Variants in MFSD11 observed in about 807,000 individuals in gnomAD.
MFSD11 encodes UNC93-like protein MFSD11.
A neutral mutation model predicts 53.5 loss-of-function variants in MFSD11; 36 were observed. The ratio of observed to expected loss-of-function variants is 0.67; its 90% CI spans 0.52 to 0.89. MFSD11 has a LOEUF of 0.89. Ranked by LOEUF, MFSD11 falls within the 40% of genes least tolerant of loss-of-function variation. The pLI is 0.00. For synonymous variants in MFSD11, 186 were observed against 184.9 expected (o/e 1.01, Z -0.05); for missense variants, 530 against 543.9 (o/e 0.97, Z 0.25).
the MFSD11 span, among the ~76,000 whole-genome samples, chr17:76,800,503 T>C: frequency 6.6e-6 from 1 of 152,296 alleles, no homozygotes; most frequent in East Asian, 1.9e-4. Context: ...TGTGGCCATT[T>C]GTCTGTGGGT....
intron 9 of MFSD11, 126 bp downstream of exon 9, chr17:76,767,577 G>A (rs960983258): frequency 1.1e-5 from 7 of 619,782 alleles, no homozygotes; most frequent in Non-Finnish European, 1.7e-5. Context: ...TCTTCTCATG[G>A]TGTCACTTGG....
chr17:76,764,784 A>G (rs1285182114), intron 8 of MFSD11, among the ~76,000 whole-genome samples: 1 of 152,202 alleles, frequency 6.6e-6, no homozygotes, highest in Non-Finnish European at 1.5e-5. Flanking sequence ...CTTTGGATAT[A>G]TGCCCAGAGG....
chr17:76,799,197 C>A, the MFSD11 span: 1 of 152,136 alleles, frequency 6.6e-6, no homozygotes, highest in Non-Finnish European at 1.5e-5. Context: ...CTCACTGTAA[C>A]CCCTGCCTCC....
Position 76,738,976 on chromosome 17 carries a change from C to G in MFSD11, c.135C>G (p.His45Gln), listed in dbSNP as rs747604946. 6.2e-7 allele frequency: 1 copy of G among 1,613,554 alleles called. No individual in the cohort carries two copies. Among genetic ancestry groups the G allele is most frequent in the East Asian group, 2.2e-5 (1 of 44,896 alleles). The part of the protein sequence containing the change: ...VIRSLNRTDF[H>Q]GSGYTSMAII... ...GGAGCTTAAATAGGACAGATTTTCA[C>G]GGCAGTGGATATACCAGGTATTGTA... The change falls in exon 2 of 13, where the codon CAC (histidine) becomes CAG (glutamine). Residue 45 changes from histidine to glutamine, a missense_variant. Transcript: ENST00000685175.
chr17:76,755,812 A>ATTTTTTTTTTTTTTTTTTTTTTT (rs552254902), intron 8 of MFSD11, among the ~76,000 whole-genome samples: 1 of 19,542 alleles, frequency 5.1e-5, no homozygotes, highest in African/African-American at 1.6e-4. Flanking sequence ...ATATATATAT[A>ATTTTTTTTTTTTTTTTTTTTTTT]TTTTTTTTTT....
the MFSD11 span, among the ~76,000 whole-genome samples, chr17:76,787,848 G>T: frequency 0.15 from 21,859 of 149,366 alleles, 5,724 homozygotes; most frequent in African/African-American, 0.5. Context: ...TGACCAGCAT[G>T]AACATTAAAA....
At chr17:76,758,250 T>TAAAA (rs1024980631) in intron 8 of MFSD11, among the ~76,000 whole-genome samples, 5 of 152,140 alleles carry the variant, frequency 3.3e-5, no homozygotes, top group African/African-American at 1.2e-4. Context: ...TTAAAACTTT[T>TAAAA]AGTAGATTAA....
At chr17:76,756,707 A>G (rs1275587013) in intron 8 of MFSD11, among the ~76,000 whole-genome samples, 1 of 151,994 alleles carries the variant, frequency 6.6e-6, no homozygotes, top group Non-Finnish European at 1.5e-5. Flanking sequence ...TGAAAATACA[A>G]AAATTAGCCA....
At chr17:76,752,833 T>C (rs1039374269) in intron 7 of MFSD11, 9 of 152,272 alleles carry the variant, frequency 5.9e-5, no homozygotes, top group African/African-American at 2.2e-4. Context: ...TTAGTACAGA[T>C]TTTAAAATAA....
At chr17:76,791,428 T>C in the MFSD11 span, among the ~76,000 whole-genome samples, 1 of 149,542 alleles carries the variant, frequency 6.7e-6, no homozygotes, top group Non-Finnish European at 1.5e-5. Flanking sequence ...GGTTTAGTTT[T>C]CTCAGTTTTA....
intron 7 of MFSD11, among the ~76,000 whole-genome samples, chr17:76,749,906 A>G (rs1308791508): frequency 1.3e-5 from 2 of 150,052 alleles, no homozygotes; most frequent in Admixed American, 6.6e-5. Flanking sequence ...AAAAAAAAAA[A>G]GCAGAGAAGC....
chr17:76,763,965 C>T lies in MFSD11; in HGVS notation c.683-3421C>T, dbSNP rs532480948. Among the ~76,000 whole-genome samples, 122 of 151,822 alleles carry T rather than the reference C, an allele frequency of 8.0e-4. No homozygotes were observed. In the South Asian group the frequency reaches 0.013, roughly 16 times the overall value. ...GCAGCCTCCTCCTCCTGGGTTCAGGCAATTCTGGTGCCTCAGCCTCCCGAG... is the reference window on the plus strand; with the variant it reads ...GCAGCCTCCTCCTCCTGGGTTCAGGTAATTCTGGTGCCTCAGCCTCCCGAG... On this transcript the variant is annotated intron_variant, in intron 8 of 12. Coordinates refer to ENST00000685175, the MANE Select transcript of MFSD11 (RefSeq NM_001242532.5).
At chr17:76,749,849 C>T (rs1021816047) in intron 7 of MFSD11, among the ~76,000 whole-genome samples, 21 of 149,508 alleles carry the variant, frequency 1.4e-4, no homozygotes, top group Admixed American at 3.3e-4. Context: ...AAGATTGCAC[C>T]GCAGCACTCC....
At chr17:76,753,803 T>C (rs1003987829) in intron 7 of MFSD11, among the ~76,000 whole-genome samples, 1 of 151,886 alleles carries the variant, frequency 6.6e-6, no homozygotes, top group Non-Finnish European at 1.5e-5. Flanking sequence ...GTACAATAAG[T>C]GTAATCTGAA....
chr17:76,771,168 C>G (rs907192379), intron 10 of MFSD11, among the ~76,000 whole-genome samples: 4 of 152,228 alleles, frequency 2.6e-5, no homozygotes, highest in African/African-American at 9.6e-5. Flanking sequence ...GGGAACCAGC[C>G]TCATCCTGAA....
At chr17:76,796,279 CA>C in the MFSD11 span, among the ~76,000 whole-genome samples, 14 of 152,286 alleles carry the variant, frequency 9.2e-5, no homozygotes, top group East Asian at 2.5e-3. Context: ...CGGACCACAG[CA>C]GCCTTTTCCT....
intron 3 of MFSD11, 51 bp from the exon 4 acceptor site, chr17:76,741,918 T>C: frequency 1.2e-6 from 2 of 1,613,174 alleles, no homozygotes; most frequent in Non-Finnish European, 1.7e-6. Flanking sequence ...ATAATTGGCA[T>C]TCTATTTCAG....
intron 9 of MFSD11, among the ~76,000 whole-genome samples, chr17:76,768,062 G>A (rs1259862765): frequency 6.6e-6 from 1 of 152,138 alleles, no homozygotes; most frequent in Non-Finnish European, 1.5e-5. Flanking sequence ...CAGCACTTTG[G>A]GAGGCTGAGG....
the MFSD11 span, among the ~76,000 whole-genome samples, chr17:76,795,643 T>C: frequency 6.6e-6 from 1 of 152,240 alleles, no homozygotes; most frequent in Middle Eastern, 3.4e-3. Flanking sequence ...TGACAATCAG[T>C]GGAAGATGAG....
Sources: gnomAD v4.1 joint callset for allele counts (sites outside exome capture counted in the v4.1 genomes callset) on GRCh38, gnomAD v4.1.1 for gene constraint, MANE v1.5 for transcripts, NCBI Gene and HGNC (gene_info 2026-07-23, HGNC 2026-07-21) for gene names.